Variants in PGAP2 observed in about 807,000 individuals in gnomAD.
PGAP2 encodes post-GPI attachment to proteins 2, also known as acyltransferase PGAP2.
PGAP2 carries 21 observed loss-of-function variants against 33.2 expected under a neutral mutation model. The observed-to-expected ratio is 0.63, with a 90% CI of 0.45 to 0.91. The LOEUF (loss-of-function observed/expected upper bound fraction) is 0.91, where lower values mean the gene tolerates loss of function less well. Ranked by LOEUF, PGAP2 falls within the 40% of genes least tolerant of loss-of-function variation. PGAP2 has a pLI of 0.00. For missense variants in PGAP2, 345 were observed against 424.0 expected (o/e 0.81, Z 1.64); for synonymous variants, 161 against 172.9 (o/e 0.93, Z 0.54).
intron 3 of PGAP2, among the ~76,000 whole-genome samples, chr11:3,821,828 C>T (rs933939546): frequency 2.0e-5 from 3 of 147,384 alleles, no homozygotes; most frequent in African/African-American, 8.0e-5. Flanking sequence ...TTTGAGAGGC[C>T]GAGGGGGGTG....
At chr11:3,803,327 C>A (rs750217020) in intron 1 of PGAP2, among the ~76,000 whole-genome samples, 1 of 149,686 alleles carries the variant, frequency 6.7e-6, no homozygotes, top group Non-Finnish European at 1.5e-5. Context: ...CGGGGTTTCA[C>A]CATGTTAGCC....
At chr11:3,808,157 C>T, upstream of PGAP2, 1 of 1,456,490 alleles carries the variant, frequency 6.9e-7, no homozygotes, top group East Asian at 2.5e-5. Flanking sequence ...GGCGCCAGGG[C>T]TGGGAGGAAA....
chr11:3,807,501 T>C (rs1590179428), upstream of PGAP2, among the ~76,000 whole-genome samples: 1 of 151,006 alleles, frequency 6.6e-6, no homozygotes, highest in Non-Finnish European at 1.5e-5. Flanking sequence ...AGAGACGGGG[T>C]TTCGCCATGT....
At chr11:3,799,844 G>T (rs556930162) in intron 1 of PGAP2, among the ~76,000 whole-genome samples, 40 of 152,250 alleles carry the variant, frequency 2.6e-4, no homozygotes, top group African/African-American at 8.7e-4. Context: ...GCAAGCGCCT[G>T]TGGTCCCAGC....
Position 3,824,117 on chromosome 11 carries a change from T to C in PGAP2, c.583T>C (p.Ser195Pro). ...CGCGTTGCTAGTGCTCACTTATGTC[T>C]CCTCCTCCGAGGACTTCAGTGGGTG... is the stretch of plus-strand genomic sequence containing the variant. ...NLALLVLTYV[S>P]SSEDFTIHEN... The change falls in exon 4 of 7, where the codon TCC becomes CCC. Residue 195 changes from serine (S) to proline (P), a missense_variant. By Grantham distance (74) the Ser-to-Pro change is moderately conservative (BLOSUM62 -1). This residue lies in a region of PGAP2 where 311 missense variants were observed against 353.6 expected (regional missense o/e 0.88). Coordinates refer to ENST00000278243, the MANE Select transcript of PGAP2 (RefSeq NM_014489.4). The C allele has an allele frequency of 6.2e-7, 1 of 1,614,008 alleles. No homozygotes were observed.
upstream of PGAP2, chr11:3,808,222 C>T (rs954099281): frequency 1.3e-6 from 2 of 1,522,506 alleles, no homozygotes; most frequent in Non-Finnish European, 1.8e-6. Context: ...AATGGAGGTG[C>T]GAGGCAGGAG....
At chr11:3,814,384 G>C (rs1459558139) in intron 2 of PGAP2, among the ~76,000 whole-genome samples, 3 of 151,982 alleles carry the variant, frequency 2.0e-5, no homozygotes, top group Non-Finnish European at 2.9e-5. Flanking sequence ...AGCCTCCTGA[G>C]TAGCTGGGAT....
intron 2 of PGAP2, among the ~76,000 whole-genome samples, chr11:3,813,270 T>C (rs2134434115): frequency 6.6e-6 from 1 of 152,236 alleles, no homozygotes; most frequent in East Asian, 1.9e-4. Flanking sequence ...GGCCAGAGTG[T>C]AGTGGCATGA....
At chr11:3,798,488 C>T (rs1304165106) in intron 1 of PGAP2, among the ~76,000 whole-genome samples, 1 of 152,052 alleles carries the variant, frequency 6.6e-6, no homozygotes, top group Admixed American at 6.6e-5. Context: ...CGCCACCAGG[C>T]CCAGCTAATT....
intron 2 of PGAP2, among the ~76,000 whole-genome samples, chr11:3,814,177 T>C (rs1466811259): frequency 6.6e-6 from 1 of 152,202 alleles, no homozygotes; most frequent in East Asian, 1.9e-4. Flanking sequence ...ATATCCCCAG[T>C]GATGGGGAGC....
At position 3,823,922 on chromosome 11, in the gene PGAP2, G is replaced by A. The variant is rs770306400; in HGVS notation, c.388G>A (p.Gly130Arg). The stretch of plus-strand genomic sequence containing the variant: ...GCCCTCGGTGAGCTCAGCCATCGGC[G>A]GGGAGGTGCCCCAGCGCTACGTGTG... Reference protein sequence around the residue: ...YLPSVSSAIGGEVPQRYVWRF... With the variant: ...YLPSVSSAIGREVPQRYVWRF... The change falls in exon 4 of 7, where the codon GGG becomes AGG. Residue 130 changes from glycine (G) to arginine (R), a missense_variant. Physicochemically the swap from Gly to Arg is moderately radical, Grantham distance 125. Coordinates refer to ENST00000278243, the MANE Select transcript of PGAP2 (RefSeq NM_014489.4). The A allele has an allele frequency of 8.1e-6, 13 of 1,603,488 alleles. No homozygotes were observed. The highest frequency in any genetic ancestry group is 4.5e-5 in the East Asian group (2 of 44,870).
chr11:3,820,407 G>T (rs1388390994), intron 3 of PGAP2, among the ~76,000 whole-genome samples: 1 of 152,178 alleles, frequency 6.6e-6, no homozygotes, highest in Non-Finnish European at 1.5e-5. Context: ...GGCTTGGCAT[G>T]TTGGCTCACG....
intron 1 of PGAP2, among the ~76,000 whole-genome samples, chr11:3,798,785 A>G (rs2082995759): frequency 6.6e-6 from 1 of 151,270 alleles, no homozygotes; most frequent in Admixed American, 6.6e-5. Context: ...CTGGGATTAC[A>G]GGCACTCGCC....
chr11:3,818,982 G>C (rs1363144232), intron 3 of PGAP2, among the ~76,000 whole-genome samples: 1 of 152,108 alleles, frequency 6.6e-6, no homozygotes, highest in Admixed American at 6.5e-5. Context: ...ATTATCCAGA[G>C]GGCAATTTTT....
chr11:3,823,019 CTTTTCTTTTTTTT>C, intron 3 of PGAP2: 13 of 384,994 alleles, frequency 3.4e-5, no homozygotes, highest in Non-Finnish European at 4.6e-5. Flanking sequence ...TTTCTTTTTT[CTTTTCTTTTTTTT>C]TTTTTTTTTT....
chr11:3,803,028 C>A (rs1428245184), intron 1 of PGAP2, among the ~76,000 whole-genome samples: 1 of 149,422 alleles, frequency 6.7e-6, no homozygotes. Context: ...GAGTCTCACT[C>A]TGTCACCCAG....
At chr11:3,809,773 A>G (rs1473108212) in intron 1 of PGAP2, among the ~76,000 whole-genome samples, 1 of 152,174 alleles carries the variant, frequency 6.6e-6, no homozygotes, top group Non-Finnish European at 1.5e-5. Flanking sequence ...GGGATCCCTG[A>G]TGCTCCTAAA....
At chr11:3,808,250 A>G (rs1178122114), upstream of PGAP2, 1 of 1,550,354 alleles carries the variant, frequency 6.5e-7, no homozygotes, top group Non-Finnish European at 8.7e-7. Context: ...CGGATGAGAA[A>G]GAAATCCGGC....
upstream of PGAP2, among the ~76,000 whole-genome samples, chr11:3,806,373 A>C (rs2084339954): frequency 6.6e-6 from 1 of 152,068 alleles, no homozygotes; most frequent in African/African-American, 2.4e-5. Flanking sequence ...GACCTTAAAG[A>C]ACAGGATAGG....
Sources: allele counts gnomAD v4.1 joint callset (sites outside exome capture counted in the v4.1 genomes callset), GRCh38; gene constraint gnomAD v4.1.1; regional missense constraint gnomAD v4.1.1; transcripts MANE v1.5; gene names NCBI Gene and HGNC (gene_info 2026-07-23, HGNC 2026-07-21).